SUGCT: variants seen among roughly 807,000 people sequenced by gnomAD.
SUGCT encodes the protein succinyl-CoA:glutarate-CoA transferase, also known as succinyl-CoA:glutarate CoA-transferase.
SUGCT carries 41 observed loss-of-function variants against 55.0 expected under a neutral mutation model. That is an observed-to-expected ratio of 0.74 (90% CI 0.58 to 0.97). The LOEUF is 0.97. SUGCT is among the 50% of genes least tolerant of loss of function. The probability of loss-of-function intolerance (pLI) is 0.00; values close to 1 mark genes in which losing one functional copy is unlikely to be tolerated. For synonymous variants in SUGCT, 187 were observed against 200.4 expected (o/e 0.93, Z 0.56); for missense variants, 568 against 547.8 (o/e 1.04, Z -0.37).
chr7:40,697,080 TCA>T (rs1291596307), intron 12 of SUGCT, among the ~76,000 whole-genome samples: 2 of 152,022 alleles, frequency 1.3e-5, no homozygotes, highest in Admixed American at 6.6e-5. Context: ...ACACACACAC[TCA>T]CACGTAACAC....
chr7:40,849,051 T>G (rs1279088293), intron 13 of SUGCT, among the ~76,000 whole-genome samples: 1 of 152,170 alleles, frequency 6.6e-6, no homozygotes, highest in Non-Finnish European at 1.5e-5. Flanking sequence ...GAAGTTTGGC[T>G]TCTTACTACA....
At chr7:40,387,554 C>G (rs1160618057) in intron 9 of SUGCT, among the ~76,000 whole-genome samples, 2 of 152,144 alleles carry the variant, frequency 1.3e-5, no homozygotes, top group African/African-American at 4.8e-5. Flanking sequence ...ATGGTTATCT[C>G]AGGGCATTCG....
chr7:40,820,020 T>A (rs1209130464), intron 13 of SUGCT, among the ~76,000 whole-genome samples: 2 of 152,360 alleles, frequency 1.3e-5, no homozygotes, highest in East Asian at 3.9e-4. Context: ...TAGGGAATCC[T>A]TCCCCCATTT....
At chr7:40,607,482 G>T (rs1039443495) in intron 12 of SUGCT, among the ~76,000 whole-genome samples, 1 of 152,050 alleles carries the variant, frequency 6.6e-6, no homozygotes, top group Non-Finnish European at 1.5e-5. Context: ...CTTATTTGAT[G>T]GCCAACCCAG....
the SUGCT span, among the ~76,000 whole-genome samples, chr7:41,002,402 A>G: frequency 6.6e-6 from 1 of 152,164 alleles, no homozygotes; most frequent in African/African-American, 2.4e-5. Context: ...AAGAGGTGAA[A>G]AAGCTCCTGG....
chr7:40,581,560 C>T (rs190746370), intron 12 of SUGCT, among the ~76,000 whole-genome samples: 3 of 152,224 alleles, frequency 2.0e-5, no homozygotes, highest in Admixed American at 6.5e-5. Context: ...AGCCACATGG[C>T]GTAATTGTGG....
intron 13 of SUGCT, among the ~76,000 whole-genome samples, chr7:40,846,769 A>C (rs1435975345): frequency 6.6e-6 from 1 of 152,204 alleles, no homozygotes. Flanking sequence ...GAGGAAGTAC[A>C]TCCCAGTGTT....
Position 40,313,611 on chromosome 7 carries a change from T to G in SUGCT, c.721-3149T>G, listed in dbSNP as rs143146540. ...TTGAGTTGTTACTGACAAATCACACTTTGGTTTTTTTGTTTGTTTGTTTTT... is the reference window on the plus strand; with the variant it reads ...TTGAGTTGTTACTGACAAATCACACGTTGGTTTTTTTGTTTGTTTGTTTTT... On this transcript the variant is annotated intron_variant, in intron 8 of 13. Coordinates refer to ENST00000335693, the MANE Select transcript of SUGCT (RefSeq NM_001193313.2). Among the ~76,000 whole-genome samples the G allele has an allele frequency of 1.6e-3, 234 of 149,114 alleles. 1 individual carries two copies. Among genetic ancestry groups the G allele is most frequent in the African/African-American group, 5.5e-3 (225 of 40,722 alleles).
intron 9 of SUGCT, among the ~76,000 whole-genome samples, chr7:40,375,111 A>G (rs1784480202): frequency 6.6e-6 from 1 of 152,216 alleles, no homozygotes; most frequent in South Asian, 2.1e-4. Context: ...AGACAGCGTC[A>G]CAAAGCTACG....
At chr7:40,315,760 G>T (rs79683138) in intron 8 of SUGCT, among the ~76,000 whole-genome samples, 6,396 of 152,250 alleles carry the variant, frequency 0.042, 457 homozygotes, top group African/African-American at 0.15. Flanking sequence ...CGCATCTGAC[G>T]ATCTAGAAAG....
chr7:40,623,494 C>T (rs1228882487), intron 12 of SUGCT, among the ~76,000 whole-genome samples: 1 of 152,064 alleles, frequency 6.6e-6, no homozygotes, highest in Non-Finnish European at 1.5e-5. Context: ...TTTTATGAGC[C>T]TCCACAAATC....
chr7:40,967,867 A>G, the SUGCT span, among the ~76,000 whole-genome samples: 12 of 152,272 alleles, frequency 7.9e-5, no homozygotes, highest in African/African-American at 2.4e-4. Flanking sequence ...GTGAATTCTT[A>G]TACAGAAATA....
chr7:40,159,211 C>CTATAATA (rs1784033815), intron 1 of SUGCT, among the ~76,000 whole-genome samples: 1 of 151,728 alleles, frequency 6.6e-6, no homozygotes, highest in Admixed American at 6.6e-5. Context: ...TGAGCCACCA[C>CTATAATA]GCCTGGCCAG....
At chr7:40,958,448 G>T in the SUGCT span, among the ~76,000 whole-genome samples, 1 of 151,334 alleles carries the variant, frequency 6.6e-6, no homozygotes, top group African/African-American at 2.4e-5. Flanking sequence ...CTGCTTGATC[G>T]ATTTGGCTAT....
chr7:40,243,136 C>T (rs760208952), intron 7 of SUGCT, among the ~76,000 whole-genome samples: 1 of 149,728 alleles, frequency 6.7e-6, no homozygotes, highest in Non-Finnish European at 1.5e-5. Context: ...GTTTATCTAT[C>T]TATCATCTTT....
the SUGCT span, among the ~76,000 whole-genome samples, chr7:40,935,656 A>G: frequency 4.3e-4 from 65 of 152,338 alleles, no homozygotes; most frequent in Non-Finnish European, 7.6e-4. Flanking sequence ...TTGACAAAAA[A>G]TGTTGTTGGT....
At chr7:40,877,885 G>A in the SUGCT span, among the ~76,000 whole-genome samples, 1 of 152,206 alleles carries the variant, frequency 6.6e-6, no homozygotes, top group East Asian at 1.9e-4. Context: ...CAGACATGAT[G>A]AAAACACCAA....
At chr7:40,237,501 A>G in intron 6 of SUGCT, 134 bp from the exon 7 acceptor site, 1 of 680,644 alleles carries the variant, frequency 1.5e-6, no homozygotes, top group Non-Finnish European at 2.6e-6. Flanking sequence ...TGCCTTCTTC[A>G]AGGAATGGTA....
At chr7:40,958,505 C>T in the SUGCT span, among the ~76,000 whole-genome samples, 1 of 151,794 alleles carries the variant, frequency 6.6e-6, no homozygotes, top group Non-Finnish European at 1.5e-5. Context: ...TGTTTTTCAC[C>T]TCCATCAGGT....
Sources: gnomAD v4.1 joint callset for allele counts (sites outside exome capture counted in the v4.1 genomes callset) on GRCh38, gnomAD v4.1.1 for gene constraint, MANE v1.5 for transcripts, NCBI Gene and HGNC (gene_info 2026-07-23, HGNC 2026-07-21) for gene names.